EPB41L5: variants seen among roughly 807,000 people sequenced by gnomAD.
EPB41L5 encodes the protein band 4.1-like protein 5.
A neutral mutation model predicts 106.6 loss-of-function variants in EPB41L5; 55 were observed. That is an observed-to-expected ratio of 0.52 (90% CI 0.42 to 0.65). The LOEUF (loss-of-function observed/expected upper bound fraction) is 0.65. EPB41L5 is among the 30% of genes least tolerant of loss of function. The pLI, the probability that EPB41L5 is intolerant of heterozygous loss-of-function variation, is 0.00. For missense variants in EPB41L5, 871 were observed against 882.1 expected (o/e 0.99, Z 0.16); for synonymous variants, 297 against 306.7 (o/e 0.97, Z 0.33).
chr2:120,029,307 G>C (rs1362611919), intron 2 of EPB41L5, among the ~76,000 whole-genome samples: 2 of 152,092 alleles, frequency 1.3e-5, no homozygotes, highest in South Asian at 2.1e-4. Context: ...TGGGATTACA[G>C]GTGGCCCACC....
chr2:120,109,224 A>G (rs982840490), intron 16 of EPB41L5, among the ~76,000 whole-genome samples: 9 of 152,190 alleles, frequency 5.9e-5, no homozygotes, highest in African/African-American at 1.2e-4. Context: ...AATACACACA[A>G]AATTTTTGAG....
At chr2:120,055,292 G>A (rs1372209045) in intron 3 of EPB41L5, among the ~76,000 whole-genome samples, 1 of 151,906 alleles carries the variant, frequency 6.6e-6, no homozygotes, top group African/African-American at 2.4e-5. Flanking sequence ...TATTCTTTTG[G>A]TTATTCTGAG....
chr2:120,045,626 A>C (rs111293230), intron 3 of EPB41L5, among the ~76,000 whole-genome samples: 62 of 152,296 alleles, frequency 4.1e-4, no homozygotes, highest in African/African-American at 1.4e-3. Flanking sequence ...TTTTATACCC[A>C]AAAGATCCCA....
intron 3 of EPB41L5, among the ~76,000 whole-genome samples, chr2:120,046,977 G>T (rs901648792): frequency 3.3e-5 from 5 of 152,082 alleles, no homozygotes; most frequent in Admixed American, 2.6e-4. Flanking sequence ...TTGTAGATGT[G>T]TGGTATTATT....
chr2:120,146,510 A>C (rs1686411165), intron 20 of EPB41L5, among the ~76,000 whole-genome samples: 2 of 152,174 alleles, frequency 1.3e-5, no homozygotes, highest in African/African-American at 4.8e-5. Context: ...AACTGATTCG[A>C]ACCAACAGAG....
intron 16 of EPB41L5, chr2:120,106,608 G>C (rs11884552): frequency 1.3e-5 from 13 of 984,912 alleles, no homozygotes; most frequent in Non-Finnish European, 1.6e-5. Context: ...TAAGTATTAT[G>C]TCATTTAATT....
intron 21 of EPB41L5, among the ~76,000 whole-genome samples, chr2:120,163,956 CTTTT>C (rs987732326): frequency 7.5e-6 from 1 of 133,538 alleles, no homozygotes; most frequent in African/African-American, 2.9e-5. Context: ...CTCAAAACAA[CTTTT>C]TTTTATTTTT....
chr2:120,045,473 A>C (rs1679703853), intron 3 of EPB41L5, among the ~76,000 whole-genome samples: 1 of 152,130 alleles, frequency 6.6e-6, no homozygotes, highest in Non-Finnish European at 1.5e-5. Flanking sequence ...TCACACCTGA[A>C]TTCTTTAGTG....
chr2:120,127,675 A>G lies in EPB41L5; in HGVS notation c.1338-13A>G, dbSNP rs373981567. ...ATTTCTTGGTCTAAGTAAATTTTCT[A>G]TTTCCATTGCAGCATTCCTCTGAAT... On this transcript the variant is annotated splice_polypyrimidine_tract_variant and intron_variant, in intron 16 of 24. Transcript: ENST00000263713. The G allele has an allele frequency of 2.8e-5, 43 of 1,555,834 alleles. No individual in the cohort carries two copies. The African/African-American group carries it at 4.2e-4, about 15-fold the overall frequency.
At chr2:120,055,215 T>C (rs549684610) in intron 3 of EPB41L5, among the ~76,000 whole-genome samples, 21 of 152,282 alleles carry the variant, frequency 1.4e-4, no homozygotes, top group African/African-American at 4.8e-4. Context: ...GTGTCTTGAT[T>C]ATGGTAACTT....
chr2:120,073,189 TG>T lies in EPB41L5; in HGVS notation c.299del (p.Gly100ValfsTer9). Reference protein sequence around the residue: ...DSAQVAHWLDGTKSIKKQVKI... With the variant: ...DSAQVAHWLDXTKSIKKQVKI... ...TTTTTGTTTTTCAGCATTGGTTGGA[TG>T]GTACAAAAAGCATCAAAAAGCAAGT... On this transcript the variant is annotated frameshift_variant, in exon 4 of 25. Coordinates refer to ENST00000263713, the MANE Select transcript of EPB41L5 (RefSeq NM_020909.4). LOFTEE classifies it high-confidence loss of function. 1 of 1,606,934 alleles carries T rather than the reference TG, an allele frequency of 6.2e-7. No homozygotes were observed. The highest frequency in any genetic ancestry group is 1.3e-5 in the African/African-American group (1 of 74,580).
chr2:120,100,689 T>G lies in EPB41L5; in HGVS notation c.1222-10T>G. ...GCAAAATAGATAATTTTTATAATTT[T>G]TGTCCAAAGGCTTGGGGGATGAGAT... On this transcript the variant is annotated splice_polypyrimidine_tract_variant and intron_variant, in intron 15 of 24. Transcript: ENST00000263713. 6.2e-7 allele frequency: 1 copy of G among 1,604,812 alleles called. No individual in the cohort carries two copies. The highest frequency in any genetic ancestry group is 1.1e-5 in the South Asian group (1 of 90,656).
intron 2 of EPB41L5, among the ~76,000 whole-genome samples, chr2:120,029,779 T>C (rs1678579360): frequency 6.6e-6 from 1 of 152,168 alleles, no homozygotes; most frequent in Non-Finnish European, 1.5e-5. Context: ...ACTAAAACTA[T>C]AGATAAAAAT....
At chr2:120,080,424 A>C (rs1218715668) in intron 10 of EPB41L5, among the ~76,000 whole-genome samples, 1 of 152,222 alleles carries the variant, frequency 6.6e-6, no homozygotes, top group African/African-American at 2.4e-5. Context: ...ATGTCCCTAC[A>C]AAGGATATGA....
chr2:120,089,045 A>G (rs1424700032), intron 11 of EPB41L5, among the ~76,000 whole-genome samples: 1 of 152,074 alleles, frequency 6.6e-6, no homozygotes, highest in Non-Finnish European at 1.5e-5. Flanking sequence ...TTATTTTTAG[A>G]TGACATATAA....
At chr2:120,099,344 G>T (rs1665069) in intron 14 of EPB41L5, among the ~76,000 whole-genome samples, 60,670 of 106,320 alleles carry the variant, frequency 0.57, 14,444 homozygotes, top group African/African-American at 0.71. Flanking sequence ...TAGTTTCTGG[G>T]TTTTTTTTTT....
chr2:120,137,201 A>G (rs901270253), intron 18 of EPB41L5, among the ~76,000 whole-genome samples: 15 of 152,044 alleles, frequency 9.9e-5, no homozygotes, highest in South Asian at 4.1e-4. Context: ...ACTAAAATCT[A>G]TCGATACAGC....
chr2:120,077,755 TCTAGTTTAA>T (rs1682349748), intron 9 of EPB41L5, among the ~76,000 whole-genome samples: 1 of 152,194 alleles, frequency 6.6e-6, no homozygotes, highest in African/African-American at 2.4e-5. Flanking sequence ...TTAAGTTATT[TCTAGTTTAA>T]CTAGTAACAT....
intron 4 of EPB41L5, 73 bp downstream of exon 4, chr2:120,073,293 A>G (rs1479555262): frequency 8.1e-7 from 1 of 1,237,506 alleles, no homozygotes; most frequent in African/African-American, 1.5e-5. Context: ...TTCTAATAGG[A>G]TGTAAGAAAT....
Sources: allele counts gnomAD v4.1 joint callset (sites outside exome capture counted in the v4.1 genomes callset), GRCh38; gene constraint gnomAD v4.1.1; transcripts MANE v1.5; gene names NCBI Gene and HGNC (gene_info 2026-07-23, HGNC 2026-07-21).